Variants in PTPRT observed in about 807,000 individuals in gnomAD.
The protein encoded by PTPRT is protein tyrosine phosphatase receptor type T.
A neutral mutation model predicts 176.8 loss-of-function variants in PTPRT; 56 were observed. That is an observed-to-expected ratio of 0.32 (90% confidence interval 0.26 to 0.40). PTPRT has a LOEUF of 0.40. PTPRT is among the 10% of genes least tolerant of loss of function. The pLI is 1.00. For missense variants in PTPRT, 1,540 were observed against 1,908.2 expected (o/e 0.81, Z 3.60); for synonymous variants, 783 against 739.0 (o/e 1.06, Z -0.96).
chr20:42,528,063 G>T (rs2065398148), intron 7 of PTPRT, among the ~76,000 whole-genome samples: 1 of 152,144 alleles, frequency 6.6e-6, no homozygotes, highest in African/African-American at 2.4e-5. Context: ...CCATGATCTG[G>T]CTCCTGTCGG....
At chr20:42,841,446 C>T (rs1362843248) in intron 2 of PTPRT, among the ~76,000 whole-genome samples, 7 of 151,956 alleles carry the variant, frequency 4.6e-5, no homozygotes, top group Non-Finnish European at 1.0e-4. Flanking sequence ...TAATATGGGC[C>T]CATAAAACAG....
At chr20:42,277,272 T>C (rs1237735851) in intron 13 of PTPRT, among the ~76,000 whole-genome samples, 1 of 152,154 alleles carries the variant, frequency 6.6e-6, no homozygotes, top group Non-Finnish European at 1.5e-5. Context: ...ACTCTGCAAA[T>C]GGCTTTATGG....
intron 9 of PTPRT, among the ~76,000 whole-genome samples, chr20:42,409,924 G>T (rs1382099365): frequency 6.6e-6 from 1 of 152,064 alleles, no homozygotes; most frequent in East Asian, 1.9e-4. Flanking sequence ...AATTTAAAAA[G>T]AAATCATGAA....
intron 9 of PTPRT, among the ~76,000 whole-genome samples, chr20:42,431,768 C>A (rs1161166366): frequency 2.0e-5 from 3 of 152,136 alleles, no homozygotes; most frequent in African/African-American, 7.2e-5. Flanking sequence ...GACCTCTGCA[C>A]CTGGCCTTAT....
intron 4 of PTPRT, among the ~76,000 whole-genome samples, chr20:42,772,344 C>T (rs2145467146): frequency 6.6e-6 from 1 of 152,290 alleles, no homozygotes; most frequent in African/African-American, 2.4e-5. Context: ...TGCCCAATAT[C>T]ACAAGACCCC....
At chr20:42,446,181 T>A (rs1465045121) in intron 9 of PTPRT, among the ~76,000 whole-genome samples, 1 of 152,142 alleles carries the variant, frequency 6.6e-6, no homozygotes, top group Non-Finnish European at 1.5e-5. Flanking sequence ...AGTTTCCAAA[T>A]GCAGGTATGT....
intron 1 of PTPRT, among the ~76,000 whole-genome samples, chr20:42,959,881 C>T (rs989218317): frequency 5.3e-5 from 8 of 152,208 alleles, no homozygotes; most frequent in Admixed American, 1.3e-4. Flanking sequence ...ATAGCCCAGC[C>T]GACAATGGAC....
intron 6 of PTPRT, among the ~76,000 whole-genome samples, chr20:42,755,907 T>C (rs1248305834): frequency 6.6e-6 from 1 of 152,184 alleles, no homozygotes; most frequent in Non-Finnish European, 1.5e-5. Context: ...TATCTGGCTT[T>C]TTGAGAGAAG....
intron 26 of PTPRT, 107 bp from the exon 27 acceptor site, chr20:42,098,659 AT>A: frequency 7.0e-7 from 1 of 1,434,546 alleles, no homozygotes; most frequent in Non-Finnish European, 9.4e-7. Context: ...TGCCAAATAG[AT>A]TATACAAAAC....
At chr20:42,974,469 G>A (rs939811882) in intron 1 of PTPRT, among the ~76,000 whole-genome samples, 2 of 151,614 alleles carry the variant, frequency 1.3e-5, no homozygotes, top group African/African-American at 4.9e-5. Context: ...CTCAGTGCAC[G>A]CGCGCACACA....
intron 7 of PTPRT, among the ~76,000 whole-genome samples, chr20:42,482,953 T>A (rs1388678052): frequency 6.6e-6 from 1 of 152,124 alleles, no homozygotes; most frequent in Non-Finnish European, 1.5e-5. Flanking sequence ...GCCAAACACA[T>A]GAGCTAACCA....
At position 42,080,535 on chromosome 20, in the gene PTPRT, C is replaced by A. The variant is rs1233374393; in HGVS notation, c.*344G>T. The stretch of plus-strand genomic sequence containing the variant: ...GGAGCCTCCCACTCCCCAGCACCTG[C>A]ACAGTTGGCTTGCCAAGAGATCCAC... On this transcript the variant is annotated 3_prime_UTR_variant, in exon 31 of 31. Coordinates refer to ENST00000373187, the MANE Select transcript of PTPRT (RefSeq NM_007050.6). The A allele has an allele frequency of 3.0e-5, 9 of 303,460 alleles. No individual in the cohort carries two copies. Among genetic ancestry groups the A allele is most frequent in the Non-Finnish European group, 5.6e-5 (9 of 161,450 alleles). 18.8% of individuals were successfully genotyped at this position (303,460 alleles called of 1,614,324 possible).
chr20:42,569,931 A>G (rs928222698), intron 7 of PTPRT, among the ~76,000 whole-genome samples: 10 of 152,216 alleles, frequency 6.6e-5, no homozygotes, highest in Admixed American at 6.5e-4. Flanking sequence ...ATAGCTGACT[A>G]TTGCAAACTA....
chr20:42,294,388 T>C (rs2057358485), intron 12 of PTPRT, among the ~76,000 whole-genome samples: 1 of 151,834 alleles, frequency 6.6e-6, no homozygotes, highest in African/African-American at 2.4e-5. Flanking sequence ...TCTTGGAAGA[T>C]TGGAGATTGA....
intron 17 of PTPRT, among the ~76,000 whole-genome samples, chr20:42,142,801 T>G (rs1389868436): frequency 6.6e-6 from 1 of 152,226 alleles, no homozygotes; most frequent in Non-Finnish European, 1.5e-5. Flanking sequence ...TAATATTTTT[T>G]GACTGAGATT....
intron 2 of PTPRT, among the ~76,000 whole-genome samples, chr20:42,850,949 T>A (rs2078458469): frequency 6.6e-6 from 1 of 152,162 alleles, no homozygotes; most frequent in Non-Finnish European, 1.5e-5. Context: ...CCCACAGACA[T>A]CTTCCATCTT....
At chr20:42,190,736 A>G (rs1316237955) in intron 16 of PTPRT, among the ~76,000 whole-genome samples, 1 of 152,210 alleles carries the variant, frequency 6.6e-6, no homozygotes, top group African/African-American at 2.4e-5. Flanking sequence ...TCATGCTTCA[A>G]GAACCACTGC....
intron 14 of PTPRT, among the ~76,000 whole-genome samples, chr20:42,247,080 T>A (rs2056464404): frequency 6.6e-6 from 1 of 152,218 alleles, no homozygotes; most frequent in Non-Finnish European, 1.5e-5. Context: ...TGAGGGCTAT[T>A]CACCCCCAAT....
chr20:42,178,781 A>G (rs975677515), intron 16 of PTPRT, among the ~76,000 whole-genome samples: 3 of 152,102 alleles, frequency 2.0e-5, no homozygotes, highest in Non-Finnish European at 4.4e-5. Context: ...ATACTGACAG[A>G]TTCATTTTTT....
Sources: allele counts gnomAD v4.1 joint callset (sites outside exome capture counted in the v4.1 genomes callset), GRCh38; gene constraint gnomAD v4.1.1; transcripts MANE v1.5; gene names NCBI Gene and HGNC (gene_info 2026-07-23, HGNC 2026-07-21).